Variants in CCNY observed in about 807,000 individuals in gnomAD.
CCNY encodes cyclin-Y.
CCNY carries 19 observed loss-of-function variants against 42.8 expected under a neutral mutation model. The observed-to-expected ratio is 0.44, with a 90% CI of 0.31 to 0.65. The LOEUF (loss-of-function observed/expected upper bound fraction) is 0.65. CCNY is among the 30% of genes least tolerant of loss of function. The pLI is 0.07. For synonymous variants in CCNY, 165 were observed against 162.7 expected (o/e 1.01, Z -0.11); for missense variants, 370 against 437.3 (o/e 0.85, Z 1.37).
intron 7 of CCNY, among the ~76,000 whole-genome samples, chr10:35,541,023 T>G (rs1290974917): frequency 6.6e-6 from 1 of 152,156 alleles, no homozygotes; most frequent in Non-Finnish European, 1.5e-5. Flanking sequence ...CTTTCCACTT[T>G]AATGTCGATT....
chr10:35,469,785 G>A (rs966544952), intron 1 of CCNY, among the ~76,000 whole-genome samples: 2 of 151,372 alleles, frequency 1.3e-5, no homozygotes, highest in Middle Eastern at 3.4e-3. Flanking sequence ...GGGAGATAGG[G>A]CACTGGAGAG....
Position 35,304,350 on chromosome 10 carries a change from C to A in CCNY, c.-9+53724C>A, listed in dbSNP as rs1835580645. ...TTTGAGACGGAGTCTCGCTCTGTCG[C>A]CCAGGCTGGAGTGCAGTGGCGGGAT... On this transcript the variant is annotated intron_variant, in intron 3 of 11. Coordinates refer to the CCNY transcript ENST00000374706. 1.8e-5 allele frequency among the ~76,000 whole-genome samples: 2 copies of A among 111,532 alleles called. 1 individual carries two copies. Among genetic ancestry groups the A allele is most frequent in the Non-Finnish European group, 3.5e-5 (2 of 56,652 alleles). The allele number at this position is 111,532 out of a possible 152,430, so 73.2% of individuals were successfully genotyped here. A position where few individuals can be genotyped will look rare whatever the true frequency, so the allele number is the denominator to read the frequency against.
chr10:35,303,369 G>A (rs1335625144), intron 3 of CCNY, among the ~76,000 whole-genome samples: 1 of 151,454 alleles, frequency 6.6e-6, no homozygotes, highest in Admixed American at 6.6e-5. Context: ...CAGTAGAGAC[G>A]GGGTTTCTCC....
intron 3 of CCNY, among the ~76,000 whole-genome samples, chr10:35,325,617 C>T (rs995771749): frequency 8.6e-5 from 13 of 151,744 alleles, no homozygotes; most frequent in Non-Finnish European, 1.2e-4. Flanking sequence ...TACAGGCATG[C>T]GCCACCACTC....
intron 1 of CCNY, among the ~76,000 whole-genome samples, chr10:35,338,981 T>G (rs921526595): frequency 6.6e-6 from 1 of 152,226 alleles, no homozygotes; most frequent in Admixed American, 6.5e-5. Flanking sequence ...CAAAGAAATC[T>G]TAAGTTTCAG....
At chr10:35,276,216 T>C (rs1835237361) in intron 3 of CCNY, among the ~76,000 whole-genome samples, 1 of 152,200 alleles carries the variant, frequency 6.6e-6, no homozygotes, top group Non-Finnish European at 1.5e-5. Flanking sequence ...CTGTAAGCCC[T>C]ATTCTTTGCT....
rs1839538774 is a variant in CCNY, at chr10:35,477,355, TATCCTTGATGAACATTGATGCAAAA to T, written c.155-6043_155-6019del. Among the ~76,000 whole-genome samples, 8 of 151,088 alleles carry T rather than the reference TATCCTTGATGAACATTGATGCAAAA, an allele frequency of 5.3e-5. No homozygotes were observed. The South Asian group carries it at 1.7e-3, about 32-fold the overall frequency. ...ACCAAAAAAGAGAATTTTAGACCAA[TATCCTTGATGAACATTGATGCAAAA>T]ATCCTCAATAAAATACTGGCAAACT... On this transcript the variant is annotated intron_variant, in intron 1 of 9. Transcript: ENST00000374704.
At chr10:35,465,118 G>GT (rs899149737) in intron 1 of CCNY, among the ~76,000 whole-genome samples, 19 of 152,266 alleles carry the variant, frequency 1.2e-4, no homozygotes, top group African/African-American at 4.1e-4. Context: ...CTTTCCTTAA[G>GT]TTGTTGAGAA....
chr10:35,248,475 C>T (rs2095709703), intron 2 of CCNY, among the ~76,000 whole-genome samples: 1 of 151,984 alleles, frequency 6.6e-6, no homozygotes, highest in South Asian at 2.1e-4. Context: ...GAAACCCCAT[C>T]TCTACAAAAA....
rs189979510 is a variant in CCNY, at chr10:35,569,750, C to T, written c.*580C>T. 193 of 154,360 alleles carry T rather than the reference C, an allele frequency of 1.3e-3. 1 individual carries two copies. Among genetic ancestry groups the T allele is most frequent in the Middle Eastern group, 6.8e-3 (2 of 294 alleles). 9.6% of individuals were successfully genotyped at this position (154,360 alleles called of 1,614,324 possible). The stretch of plus-strand genomic sequence containing the variant: ...GTCATTTCTCTCTGCACTATTTCTG[C>T]GCGCTGTCTTCTGAGCTTTCTTCCT... On this transcript the variant is annotated 3_prime_UTR_variant, in exon 10 of 10. Coordinates refer to ENST00000374704, the MANE Select transcript of CCNY (RefSeq NM_145012.6).
At chr10:35,508,416 G>A (rs910738283) in intron 3 of CCNY, among the ~76,000 whole-genome samples, 8 of 152,192 alleles carry the variant, frequency 5.3e-5, no homozygotes, top group African/African-American at 9.6e-5. Flanking sequence ...TTTGTTTTGC[G>A]AACTCCTTTG....
At chr10:35,511,039 C>T (rs932328758) in intron 3 of CCNY, among the ~76,000 whole-genome samples, 4 of 152,192 alleles carry the variant, frequency 2.6e-5, no homozygotes, top group Admixed American at 6.5e-5. Context: ...TTCATGTGTT[C>T]GGAACGTGTC....
chr10:35,410,652 G>C (rs1057143816), intron 1 of CCNY, among the ~76,000 whole-genome samples: 13 of 152,210 alleles, frequency 8.5e-5, no homozygotes, highest in African/African-American at 2.9e-4. Flanking sequence ...ACAAAGAAGA[G>C]CTAACTAACT....
At chr10:35,535,019 G>C (rs1489359274) in intron 7 of CCNY, among the ~76,000 whole-genome samples, 2 of 147,502 alleles carry the variant, frequency 1.4e-5, no homozygotes, top group African/African-American at 5.1e-5. Flanking sequence ...GTGTGTGTGT[G>C]TGTGTGTGTG....
intron 3 of CCNY, among the ~76,000 whole-genome samples, chr10:35,326,987 T>C (rs949787728): frequency 1.6e-4 from 25 of 152,342 alleles, no homozygotes; most frequent in Admixed American, 1.6e-3. Context: ...GCCTGGATTT[T>C]GTTCTAACGT....
At chr10:35,385,700 G>T (rs1350051177) in intron 1 of CCNY, among the ~76,000 whole-genome samples, 1 of 152,090 alleles carries the variant, frequency 6.6e-6, no homozygotes, top group Non-Finnish European at 1.5e-5. Context: ...TAATAGATAA[G>T]AACGTTTTAA....
chr10:35,269,507 T>C (rs1297007471), intron 3 of CCNY, among the ~76,000 whole-genome samples: 2 of 151,904 alleles, frequency 1.3e-5, no homozygotes, highest in Non-Finnish European at 2.9e-5. Flanking sequence ...TTTTGCCATG[T>C]TGGCCAGGCT....
chr10:35,438,348 A>G (rs1335793814), intron 1 of CCNY, among the ~76,000 whole-genome samples: 1 of 151,762 alleles, frequency 6.6e-6, no homozygotes, highest in Non-Finnish European at 1.5e-5. Flanking sequence ...TAGAGATAAG[A>G]TCTCACTATG....
intron 7 of CCNY, among the ~76,000 whole-genome samples, chr10:35,543,978 G>A (rs149650209): frequency 2.5e-3 from 376 of 152,308 alleles, no homozygotes; most frequent in African/African-American, 8.1e-3. Context: ...GATATAAAGA[G>A]AGAAAATATT....
Sources: allele counts gnomAD v4.1 joint callset (sites outside exome capture counted in the v4.1 genomes callset), GRCh38; gene constraint gnomAD v4.1.1; transcripts MANE v1.5; gene names NCBI Gene and HGNC (gene_info 2026-07-23, HGNC 2026-07-21).